Variants in FOXN3 observed in about 807,000 individuals in gnomAD.
The protein encoded by FOXN3 is forkhead box protein N3.
In FOXN3, 7 loss-of-function variants were observed where a neutral mutation model predicts 38.4. That is an observed-to-expected ratio of 0.18 (90% CI 0.10 to 0.34). FOXN3 has a LOEUF of 0.34. Among genes scored for constraint, FOXN3 ranks in the 10% least tolerant of loss-of-function variants. FOXN3 has a pLI of 1.00. For missense variants in FOXN3, 456 were observed against 613.4 expected (o/e 0.74, Z 2.71); for synonymous variants, 230 against 242.2 (o/e 0.95, Z 0.47).
intron 1 of FOXN3, among the ~76,000 whole-genome samples, chr14:89,445,735 T>C (rs1348730297): frequency 6.6e-6 from 1 of 152,048 alleles, no homozygotes; most frequent in Non-Finnish European, 1.5e-5. Flanking sequence ...TCCCACACTG[T>C]GTGGAGGAAA....
At chr14:89,516,755 G>A (rs1894213127) in intron 1 of FOXN3, among the ~76,000 whole-genome samples, 3 of 152,042 alleles carry the variant, frequency 2.0e-5, no homozygotes, top group Middle Eastern at 3.4e-3. Flanking sequence ...TAGTAACAGG[G>A]TTTTGCCATG....
intron 1 of FOXN3, among the ~76,000 whole-genome samples, chr14:89,414,540 A>G (rs1438429025): frequency 6.8e-6 from 1 of 146,462 alleles, no homozygotes; most frequent in Non-Finnish European, 1.5e-5. Context: ...CTGTGGTGAG[A>G]GGCCCAACCG....
At chr14:89,336,534 A>G (rs1216294799) in intron 3 of FOXN3, among the ~76,000 whole-genome samples, 1 of 152,258 alleles carries the variant, frequency 6.6e-6, no homozygotes, top group South Asian at 2.1e-4. Context: ...CTATGGGGTC[A>G]GAACAGTCAG....
intron 1 of FOXN3, among the ~76,000 whole-genome samples, chr14:89,586,460 G>A (rs1014355521): frequency 5.3e-5 from 8 of 152,124 alleles, no homozygotes; most frequent in Non-Finnish European, 1.2e-4. Context: ...GGTCTCCTGT[G>A]CTTACCACAG....
chr14:89,595,406 A>T (rs1896038380), intron 1 of FOXN3, among the ~76,000 whole-genome samples: 1 of 151,840 alleles, frequency 6.6e-6, no homozygotes, highest in Admixed American at 6.6e-5. Context: ...TTATCTCAAT[A>T]GTGTTTCATG....
chr14:89,552,613 C>T (rs1229642636), intron 1 of FOXN3, among the ~76,000 whole-genome samples: 1 of 152,150 alleles, frequency 6.6e-6, no homozygotes, highest in Non-Finnish European at 1.5e-5. Context: ...AATCCCAACA[C>T]TTTGGGAGGC....
intron 2 of FOXN3, among the ~76,000 whole-genome samples, chr14:89,351,650 C>G (rs2241129): frequency 0.17 from 26,181 of 152,228 alleles, 2,425 homozygotes; most frequent in South Asian, 0.37. Context: ...GGCAATCGTT[C>G]CTCTGGCCGC....
intron 4 of FOXN3, among the ~76,000 whole-genome samples, chr14:89,242,741 G>A (rs1404984643): frequency 6.6e-6 from 1 of 152,122 alleles, no homozygotes; most frequent in African/African-American, 2.4e-5. Flanking sequence ...TGCAAGGGGA[G>A]CAAGAAGTGT....
intron 3 of FOXN3, among the ~76,000 whole-genome samples, chr14:89,298,266 T>C (rs746989936): frequency 7.2e-5 from 11 of 152,098 alleles, no homozygotes; most frequent in Non-Finnish European, 1.5e-4. Flanking sequence ...GAATGGTGGT[T>C]GCCAGGAACT....
At chr14:89,400,901 T>A (rs1891227682) in intron 2 of FOXN3, among the ~76,000 whole-genome samples, 4 of 152,104 alleles carry the variant, frequency 2.6e-5, no homozygotes, top group African/African-American at 9.7e-5. Flanking sequence ...GTACATTACC[T>A]ACCCTGTCCA....
intron 1 of FOXN3, among the ~76,000 whole-genome samples, chr14:89,532,560 T>C (rs547782640): frequency 6.6e-6 from 1 of 152,192 alleles, no homozygotes; most frequent in Non-Finnish European, 1.5e-5. Context: ...CCTTAAATAA[T>C]GTGTGAGAAC....
At chr14:89,215,255 C>A (rs991014033) in intron 4 of FOXN3, among the ~76,000 whole-genome samples, 4 of 148,734 alleles carry the variant, frequency 2.7e-5, no homozygotes, top group African/African-American at 1.0e-4. Flanking sequence ...CTTTGCAAAT[C>A]TGGATTCTAG....
chr14:89,564,370 A>G (rs1484922037), intron 1 of FOXN3, among the ~76,000 whole-genome samples: 1 of 151,078 alleles, frequency 6.6e-6, no homozygotes, highest in Non-Finnish European at 1.5e-5. Context: ...TCCGCAACTC[A>G]AATCTCGTCT....
intron 4 of FOXN3, among the ~76,000 whole-genome samples, chr14:89,215,464 C>A (rs1043785202): frequency 1.3e-5 from 2 of 151,900 alleles, no homozygotes; most frequent in African/African-American, 4.8e-5. Flanking sequence ...ATAATTTTCA[C>A]ATCATTATAT....
rs944572597 is a variant in FOXN3 at position 89,394,503 on chromosome 14, A to C, written c.543+17431T>G. Among the ~76,000 whole-genome samples, 21 of 152,244 alleles carry C rather than the reference A, an allele frequency of 1.4e-4. 2 individuals carry two copies. The highest frequency in any genetic ancestry group is 1.4e-3 in the Admixed American group (21 of 15,288). ...ATTACGGGTGTGAGCCACTGCGCCC[A>C]GTCTCAACTTTCTAATACATGAAGT... is the stretch of plus-strand genomic sequence containing the variant. On this transcript the variant is annotated intron_variant, in intron 2 of 5. Transcript: ENST00000557258.
At position 89,157,816 on chromosome 14, in the gene FOXN3, T is replaced by C. The variant is rs984581875; in HGVS notation, c.*4598A>G. 6.6e-6 allele frequency: 1 copy of C among 152,600 alleles called. No individual in the cohort carries two copies. The highest frequency in any genetic ancestry group is 1.5e-5 in the Non-Finnish European group (1 of 68,034). The allele number at this position is 152,600 out of a possible 1,614,324, so 9.5% of individuals were successfully genotyped here. A position where few individuals can be genotyped will look rare whatever the true frequency, so the allele number is the denominator to read the frequency against. On this transcript the variant is annotated 3_prime_UTR_variant, in exon 6 of 6. Transcript: ENST00000557258. The stretch of plus-strand genomic sequence containing the variant: ...ATTATGTGCATAACAGTGTTTGATA[T>C]AGTATTGGTGGGCTGGGACCTACGA...
intron 1 of FOXN3, among the ~76,000 whole-genome samples, chr14:89,554,448 T>G (rs1895072086): frequency 6.6e-6 from 1 of 152,160 alleles, no homozygotes; most frequent in East Asian, 1.9e-4. Flanking sequence ...TTTCTTTCAC[T>G]TTTATCTTAT....
chr14:89,197,505 A>AG (rs1418733094), intron 4 of FOXN3, among the ~76,000 whole-genome samples: 3 of 148,472 alleles, frequency 2.0e-5, no homozygotes, highest in Admixed American at 6.7e-5. Context: ...GACTGTGTCA[A>AG]AAAAAAAAAA....
chr14:89,182,076 TTGAAAAGG>T (rs1285342150), intron 4 of FOXN3, among the ~76,000 whole-genome samples: 1 of 152,192 alleles, frequency 6.6e-6, no homozygotes, highest in Non-Finnish European at 1.5e-5. Context: ...ACAAAGACCG[TTGAAAAGG>T]CTCTAGAAAA....
Sources: allele counts gnomAD v4.1 joint callset (sites outside exome capture counted in the v4.1 genomes callset), GRCh38; gene constraint gnomAD v4.1.1; transcripts MANE v1.5; gene names NCBI Gene and HGNC (gene_info 2026-07-23, HGNC 2026-07-21).